Variants in COA1 observed in about 807,000 individuals in gnomAD.
COA1 encodes the protein cytochrome c oxidase assembly factor 1, also known as cytochrome c oxidase assembly factor 1 homolog.
In COA1, 13 loss-of-function variants were observed where a neutral mutation model predicts 16.0. That is an observed-to-expected ratio of 0.81 (90% CI 0.53 to 1.29). COA1 has a LOEUF of 1.29. Among genes scored for constraint, COA1 ranks in the 50% most tolerant of loss-of-function variants. COA1 has a pLI of 0.00. For synonymous variants in COA1, 65 were observed against 65.7 expected, an observed-to-expected ratio of 0.99 and a Z score of 0.05; for missense variants, 179 against 177.0, an observed-to-expected ratio of 1.01 and a Z score of -0.06.
intron 1 of COA1, among the ~76,000 whole-genome samples, chr7:43,658,226 A>G (rs1283226556): frequency 6.6e-6 from 1 of 152,066 alleles, no homozygotes; most frequent in Admixed American, 6.6e-5. Flanking sequence ...AATACAAAAA[A>G]TTAGCCCAGC....
chr7:43,685,653 G>C (rs1281224550), intron 1 of COA1, among the ~76,000 whole-genome samples: 1 of 152,164 alleles, frequency 6.6e-6, no homozygotes, highest in Admixed American at 6.5e-5. Context: ...GGAGAATCAG[G>C]CTATGAAGAC....
Position 43,640,676 on chromosome 7 carries a change from G to A in COA1, c.265-27C>T, listed in dbSNP as rs1303766768. Reference sequence around the variant, plus strand: ...TGTGGGTGTAAAATGACAGAAAGGAGAGATGTAATTGGATAATTATTGTCA... The same window carrying A: ...TGTGGGTGTAAAATGACAGAAAGGAAAGATGTAATTGGATAATTATTGTCA... On this transcript the variant is annotated intron_variant, in intron 4 of 5. Coordinates refer to ENST00000223336, the MANE Select transcript of COA1 (RefSeq NM_018224.4). The A allele has an allele frequency of 4.1e-6, 6 of 1,476,046 alleles. No homozygotes were observed. The Admixed American group carries it at 5.7e-5, about 14-fold the overall frequency. 91.4% of individuals were successfully genotyped at this position (1,476,046 alleles called of 1,614,324 possible). A position where few individuals can be genotyped will look rare whatever the true frequency, so the allele number is the denominator to read the frequency against.
At chr7:43,620,601 G>T (rs538621516) in intron 6 of COA1, among the ~76,000 whole-genome samples, 138 of 151,886 alleles carry the variant, frequency 9.1e-4, no homozygotes, top group African/African-American at 3.2e-3. Flanking sequence ...GTGAACCTGG[G>T]AGGCGGAGCT....
At chr7:43,608,555 AGTTTT>A (rs1348256045) in exon 7 of COA1, 1 of 794,526 alleles carries the variant, frequency 1.3e-6, no homozygotes, top group African/African-American at 1.8e-5. Context: ...CTAGCCAGTT[AGTTTT>A]ATCAGGGAGA....
intron 1 of COA1, among the ~76,000 whole-genome samples, chr7:43,722,377 G>A (rs1041322540): frequency 8.5e-5 from 13 of 152,058 alleles, no homozygotes; most frequent in African/African-American, 2.7e-4. Flanking sequence ...TTACAGGCAT[G>A]AGCCACCACG....
At chr7:43,703,615 A>G (rs977648580) in intron 1 of COA1, among the ~76,000 whole-genome samples, 3 of 151,884 alleles carry the variant, frequency 2.0e-5, no homozygotes, top group East Asian at 1.9e-4. Context: ...TTTTATTATT[A>G]TTGTTGGTTT....
intron 1 of COA1, among the ~76,000 whole-genome samples, chr7:43,690,250 G>T (rs1240485525): frequency 6.6e-6 from 1 of 152,068 alleles, no homozygotes; most frequent in Non-Finnish European, 1.5e-5. Flanking sequence ...CCACTACTAG[G>T]TATCTACCCA....
At chr7:43,609,640 A>C (rs2082679309) in intron 6 of COA1, 1 of 152,226 alleles carries the variant, frequency 6.6e-6, no homozygotes, top group Non-Finnish European at 1.5e-5. Flanking sequence ...GTCCAGGTGC[A>C]ACTGTGGGGA....
intron 3 of COA1, chr7:43,646,735 C>A (rs1343510372): frequency 5.0e-6 from 2 of 401,872 alleles, no homozygotes. Context: ...CTCAGGCCCC[C>A]TCCAGACTCT....
At chr7:43,646,758 A>C (rs1584340026) in intron 3 of COA1, 2 of 380,936 alleles carry the variant, frequency 5.3e-6, no homozygotes, top group Non-Finnish European at 1.1e-5. Flanking sequence ...AACTCCACCA[A>C]CTCTGCAGGA....
chr7:43,664,185 G>A (rs1584669709), intron 1 of COA1, among the ~76,000 whole-genome samples: 1 of 146,328 alleles, frequency 6.8e-6, no homozygotes. Context: ...CTGTGATCAT[G>A]GCATACTACT....
chr7:43,697,199 A>G (rs1362050904), intron 1 of COA1, among the ~76,000 whole-genome samples: 1 of 152,178 alleles, frequency 6.6e-6, no homozygotes, highest in Non-Finnish European at 1.5e-5. Context: ...ATATCAGTAA[A>G]TGATAGGTAC....
chr7:43,728,428 C>T (rs959097425), intron 1 of COA1, among the ~76,000 whole-genome samples: 11 of 152,188 alleles, frequency 7.2e-5, no homozygotes, highest in African/African-American at 1.9e-4. Flanking sequence ...TCGATTTTGG[C>T]TAAATGCTAG....
At chr7:43,619,849 C>T (rs2083698220) in intron 6 of COA1, 1 of 1,271,726 alleles carries the variant, frequency 7.9e-7, no homozygotes, top group Non-Finnish European at 1.1e-6. Flanking sequence ...CATCAGAGAT[C>T]TATTCCTTTG....
chr7:43,646,308 A>C (rs1407884789), intron 3 of COA1: 2 of 308,994 alleles, frequency 6.5e-6, no homozygotes, highest in South Asian at 2.6e-5. Flanking sequence ...CCAGACAGCT[A>C]ATCTTTATTG....
chr7:43,725,876 A>T lies in COA1; in HGVS notation c.-39+3553T>A, dbSNP rs545683344. Among the ~76,000 whole-genome samples, 11 of 150,150 alleles carry T rather than the reference A, an allele frequency of 7.3e-5. No homozygotes were observed. The South Asian group carries it at 2.1e-3, about 28-fold the overall frequency. On this transcript the variant is annotated intron_variant, in intron 1 of 5. Coordinates refer to ENST00000223336, the MANE Select transcript of COA1 (RefSeq NM_018224.4). ...CTCCATCTCAAAAAATATATATATT[A>T]TATATATACTATATATATTACTACT...
chr7:43,716,063 TA>T (rs1269252675), intron 1 of COA1, among the ~76,000 whole-genome samples: 1 of 152,212 alleles, frequency 6.6e-6, no homozygotes, highest in East Asian at 1.9e-4. Context: ...TAAGTCCAAT[TA>T]AACCTCTTTC....
chr7:43,666,426 T>G (rs2153185327), intron 1 of COA1, among the ~76,000 whole-genome samples: 1 of 152,310 alleles, frequency 6.6e-6, no homozygotes, highest in South Asian at 2.1e-4. Context: ...GTAACCCTAT[T>G]AAGAAACTGG....
intron 1 of COA1, among the ~76,000 whole-genome samples, chr7:43,717,174 G>A (rs925725754): frequency 1.3e-5 from 2 of 152,166 alleles, no homozygotes; most frequent in African/African-American, 4.8e-5. Context: ...TGAGAAGAGG[G>A]CCACCATCCT....
Sources: allele counts gnomAD v4.1 joint callset (sites outside exome capture counted in the v4.1 genomes callset), GRCh38; gene constraint gnomAD v4.1.1; transcripts MANE v1.5; gene names NCBI Gene and HGNC (gene_info 2026-07-23, HGNC 2026-07-21).